UNC5D: variants seen among roughly 807,000 people sequenced by gnomAD.
UNC5D encodes netrin receptor UNC5D.
Under a neutral mutation model 105.4 loss-of-function variants are expected in UNC5D, and 39 were observed. That is an observed-to-expected ratio of 0.37 (90% confidence interval 0.29 to 0.48). UNC5D has a LOEUF of 0.48. Ranked by LOEUF, UNC5D falls within the 20% of genes least tolerant of loss-of-function variation. The probability of loss-of-function intolerance (pLI) is 0.98; values close to 1 mark genes in which losing one functional copy is unlikely to be tolerated. For synonymous variants in UNC5D, 452 were observed against 450.4 expected (o/e 1.00, Z -0.04); for missense variants, 991 against 1,202.4 (o/e 0.82, Z 2.60).
At chr8:35,534,306 C>G (rs1029040636) in intron 1 of UNC5D, among the ~76,000 whole-genome samples, 1 of 152,104 alleles carries the variant, frequency 6.6e-6, no homozygotes, top group Non-Finnish European at 1.5e-5. Context: ...CTACTGTCAA[C>G]TTTAAACACT....
intron 1 of UNC5D, among the ~76,000 whole-genome samples, chr8:35,395,832 CAT>C (rs1753425471): frequency 6.6e-6 from 1 of 152,352 alleles, no homozygotes; most frequent in Non-Finnish European, 1.5e-5. Context: ...ACAGTCCTCA[CAT>C]GTCTTGTGTG....
intron 3 of UNC5D, among the ~76,000 whole-genome samples, chr8:35,594,884 T>C (rs2130898857): frequency 6.6e-6 from 1 of 152,230 alleles, no homozygotes; most frequent in African/African-American, 2.4e-5. Flanking sequence ...GTGTAAAAGG[T>C]TAATAGTACA....
At chr8:35,569,384 A>G (rs1418840012) in intron 3 of UNC5D, among the ~76,000 whole-genome samples, 1 of 152,236 alleles carries the variant, frequency 6.6e-6, no homozygotes, top group African/African-American at 2.4e-5. Flanking sequence ...TGAAGAATAC[A>G]GGATGAGAGA....
At chr8:35,252,737 A>G (rs1446276484) in intron 1 of UNC5D, among the ~76,000 whole-genome samples, 1 of 152,122 alleles carries the variant, frequency 6.6e-6, no homozygotes, top group Non-Finnish European at 1.5e-5. Flanking sequence ...GTATGTGTCT[A>G]ATGGTATACA....
intron 4 of UNC5D, among the ~76,000 whole-genome samples, chr8:35,606,619 C>A (rs980043862): frequency 4.6e-5 from 7 of 152,192 alleles, no homozygotes; most frequent in Non-Finnish European, 1.0e-4. Flanking sequence ...TCATTCCTTT[C>A]TTTGTGTCCA....
At chr8:35,544,420 A>C in intron 1 of UNC5D, 1 of 1,609,560 alleles carries the variant, frequency 6.2e-7, no homozygotes, top group Non-Finnish European at 8.5e-7. Flanking sequence ...TTTAAAAAAA[A>C]AAGCTGTAAT....
At chr8:35,582,281 T>A (rs2589346) in intron 3 of UNC5D, among the ~76,000 whole-genome samples, 15,827 of 152,216 alleles carry the variant, frequency 0.1, 879 homozygotes, top group African/African-American at 0.14. Flanking sequence ...ACCGCCATTG[T>A]TCATTCACTT....
intron 16 of UNC5D, among the ~76,000 whole-genome samples, chr8:35,782,987 A>T (rs561740118): frequency 6.6e-5 from 10 of 151,960 alleles, no homozygotes; most frequent in South Asian, 6.3e-4. Flanking sequence ...ATAATTTTTT[A>T]AAAAAATTAG....
At chr8:35,273,425 A>G (rs1031293335) in intron 1 of UNC5D, among the ~76,000 whole-genome samples, 1 of 152,164 alleles carries the variant, frequency 6.6e-6, no homozygotes, top group African/African-American at 2.4e-5. Context: ...CCTTGCCCCA[A>G]CTTTTCATTT....
intron 1 of UNC5D, among the ~76,000 whole-genome samples, chr8:35,418,154 T>A (rs1211769514): frequency 6.6e-6 from 1 of 152,146 alleles, no homozygotes; most frequent in African/African-American, 2.4e-5. Flanking sequence ...TTAAAAAAAA[T>A]TCTGTCCTGT....
chr8:35,721,715 T>A (rs548101205), intron 8 of UNC5D, among the ~76,000 whole-genome samples: 1 of 152,326 alleles, frequency 6.6e-6, no homozygotes, highest in African/African-American at 2.4e-5. Context: ...TGAACTCTGG[T>A]CTTTCTCTCA....
intron 1 of UNC5D, among the ~76,000 whole-genome samples, chr8:35,444,128 T>A (rs1807621961): frequency 6.6e-6 from 1 of 152,016 alleles, no homozygotes. Context: ...ATGTTCGTCC[T>A]CCATACAGAA....
intron 13 of UNC5D, among the ~76,000 whole-genome samples, chr8:35,754,953 G>C (rs1224377179): frequency 6.6e-6 from 1 of 152,142 alleles, no homozygotes; most frequent in Non-Finnish European, 1.5e-5. Flanking sequence ...CCTGTAGGTA[G>C]GTGAGAAAAG....
intron 1 of UNC5D, among the ~76,000 whole-genome samples, chr8:35,306,550 G>C (rs994587345): frequency 1.3e-5 from 2 of 152,068 alleles, no homozygotes; most frequent in Non-Finnish European, 2.9e-5. Context: ...GTGATATTTT[G>C]AGTGAACTTT....
At chr8:35,404,245 C>T (rs1804660997) in intron 1 of UNC5D, among the ~76,000 whole-genome samples, 1 of 152,084 alleles carries the variant, frequency 6.6e-6, no homozygotes, top group Admixed American at 6.5e-5. Context: ...TTAGAAATTT[C>T]AGAAGGAAGA....
chr8:35,308,004 C>T (rs1462181040), intron 1 of UNC5D, among the ~76,000 whole-genome samples: 1 of 152,094 alleles, frequency 6.6e-6, no homozygotes, highest in Non-Finnish European at 1.5e-5. Context: ...ATAGAGGCAA[C>T]TTTTTCATAC....
chr8:35,265,086 A>G (rs949745345), intron 1 of UNC5D, among the ~76,000 whole-genome samples: 1 of 152,212 alleles, frequency 6.6e-6, no homozygotes. Flanking sequence ...TATTGTGAGG[A>G]AAAACAGTAA....
chr8:35,247,401 G>A (rs1803182922), intron 1 of UNC5D, among the ~76,000 whole-genome samples: 1 of 147,476 alleles, frequency 6.8e-6, no homozygotes, highest in African/African-American at 2.5e-5. Flanking sequence ...TTGGGTGAAA[G>A]TTAGGGTGCC....
chr8:35,630,802 G>A (rs1033477244), intron 4 of UNC5D, among the ~76,000 whole-genome samples: 4 of 152,130 alleles, frequency 2.6e-5, no homozygotes, highest in African/African-American at 7.2e-5. Context: ...CTGGGGTGGG[G>A]GGGAATAGGC....
Sources: allele counts gnomAD v4.1 joint callset (sites outside exome capture counted in the v4.1 genomes callset), GRCh38; gene constraint gnomAD v4.1.1; transcripts MANE v1.5; gene names NCBI Gene and HGNC (gene_info 2026-07-23, HGNC 2026-07-21).